Variants in ACSM5 observed in about 807,000 individuals in gnomAD.
ACSM5 encodes the protein acyl-CoA synthetase medium chain family member 5, also known as acyl-coenzyme A synthetase ACSM5, mitochondrial.
In ACSM5, 56 loss-of-function variants were observed where a neutral mutation model predicts 71.6. The observed-to-expected ratio is 0.78, with a 90% CI of 0.63 to 0.98. ACSM5 has a LOEUF of 0.98. Ranked by LOEUF, ACSM5 falls within the 50% of genes least tolerant of loss-of-function variation. The pLI is 0.00. For synonymous variants in ACSM5, 285 were observed against 281.5 expected (o/e 1.01, Z -0.12); for missense variants, 723 against 726.0 (o/e 1.00, Z 0.05).
chr16:20,419,163 C>G (rs1167735749), intron 3 of ACSM5, 65 bp from the exon 4 acceptor site: 1 of 1,512,372 alleles, frequency 6.6e-7, no homozygotes, highest in African/African-American at 1.4e-5. Flanking sequence ...CTGCCTTCAT[C>G]TCTTACCTCT....
At chr16:20,439,742 G>A in intron 12 of ACSM5, 58 bp from the exon 13 acceptor site, 1 of 1,512,358 alleles carries the variant, frequency 6.6e-7, no homozygotes, top group Non-Finnish European at 9.1e-7. Context: ...CCTCACTTAA[G>A]GAGAAAAGAG....
At chr16:20,426,264 G>A (rs1966977792) in intron 6 of ACSM5, among the ~76,000 whole-genome samples, 1 of 152,108 alleles carries the variant, frequency 6.6e-6, no homozygotes, top group Non-Finnish European at 1.5e-5. Context: ...CCTTCTCCTT[G>A]CACTGTCCCC....
At chr16:20,437,510 G>A in intron 12 of ACSM5, 143 bp downstream of exon 12, 1 of 669,574 alleles carries the variant, frequency 1.5e-6, no homozygotes, top group Non-Finnish European at 2.6e-6. Flanking sequence ...GACACACGTT[G>A]CCTTCATGTC....
intron 13 of ACSM5, 23 bp downstream of exon 13, chr16:20,439,942 C>T: frequency 1.2e-6 from 2 of 1,611,404 alleles, no homozygotes; most frequent in Non-Finnish European, 1.7e-6. Context: ...GTTTCCAGGG[C>T]ACAGTGATCT....
intron 3 of ACSM5, among the ~76,000 whole-genome samples, chr16:20,418,744 A>G (rs924159949): frequency 6.6e-6 from 1 of 152,184 alleles, no homozygotes; most frequent in Non-Finnish European, 1.5e-5. Context: ...AGTTGCTAGA[A>G]TTTTACCCGA....
In ACSM5 at chr16:20,438,722, G is replaced by A. The variant is rs577568952; in HGVS notation, c.1537-1078G>A. Among the ~76,000 whole-genome samples, 8 of 151,432 alleles carry A rather than the reference G, an allele frequency of 5.3e-5. No homozygotes were observed. In the East Asian group the frequency reaches 7.9e-4, roughly 15 times the overall value. On this transcript the variant is annotated intron_variant, in intron 12 of 13. Coordinates refer to ENST00000331849, the MANE Select transcript of ACSM5 (RefSeq NM_017888.3). ...TGTAATCCCAGCACTTTGGGAGGCCGAGGCGGGTGGATCACGAGGTCAGGA... is the reference window on the plus strand; with the variant it reads ...TGTAATCCCAGCACTTTGGGAGGCCAAGGCGGGTGGATCACGAGGTCAGGA...
chr16:20,426,496 A>T (rs1966983051), intron 6 of ACSM5, among the ~76,000 whole-genome samples: 1 of 152,208 alleles, frequency 6.6e-6, no homozygotes, highest in Non-Finnish European at 1.5e-5. Flanking sequence ...TAAAAGGTGA[A>T]AGCAACACAA....
chr16:20,422,152 C>T (rs1292079541), intron 5 of ACSM5, among the ~76,000 whole-genome samples: 1 of 151,738 alleles, frequency 6.6e-6, no homozygotes, highest in African/African-American at 2.4e-5. Flanking sequence ...TGCTCTTTTG[C>T]CCAGGCTGGT....
chr16:20,422,434 T>G (rs1449193623), intron 5 of ACSM5, among the ~76,000 whole-genome samples: 2 of 152,162 alleles, frequency 1.3e-5, no homozygotes, highest in South Asian at 2.1e-4. Context: ...AATAATCCAT[T>G]CACCTGTTGA....
intron 10 of ACSM5, among the ~76,000 whole-genome samples, chr16:20,436,129 C>T (rs1266248170): frequency 2.2e-5 from 2 of 90,450 alleles, no homozygotes; most frequent in Admixed American, 1.1e-4. Flanking sequence ...TCTTTCCTTC[C>T]TTCCTTTCTT....
rs1966957529 is a variant in ACSM5, at chr16:20,425,321, A to G, written c.921+1252A>G. ...TTCCATCCATGTTGCAGCAAATGAC[A>G]GGACCTCATTCTTTTTTATGGATCC... On this transcript the variant is annotated intron_variant, in intron 6 of 13. Coordinates refer to ENST00000331849, the MANE Select transcript of ACSM5 (RefSeq NM_017888.3). Among the ~76,000 whole-genome samples the G allele has an allele frequency of 3.3e-5, 5 of 152,322 alleles. No homozygotes were observed. The South Asian group carries it at 1.0e-3, about 32-fold the overall frequency.
At chr16:20,417,355 G>A (rs1966858832) in intron 2 of ACSM5, among the ~76,000 whole-genome samples, 1 of 152,158 alleles carries the variant, frequency 6.6e-6, no homozygotes, top group Non-Finnish European at 1.5e-5. Context: ...TCCATACAGT[G>A]GAATATTATT....
chr16:20,417,374 A>C (rs1966858856), intron 2 of ACSM5, among the ~76,000 whole-genome samples: 1 of 152,276 alleles, frequency 6.6e-6, no homozygotes, highest in Non-Finnish European at 1.5e-5. Flanking sequence ...TTCAGCCATC[A>C]AAATAATGTA....
In ACSM5 at chr16:20,427,785, T is replaced by C; in HGVS notation, c.922-3T>C. The C allele has an allele frequency of 1.2e-6, 2 of 1,610,472 alleles. No individual in the cohort carries two copies. Among genetic ancestry groups the C allele is most frequent in the Non-Finnish European group, 1.7e-6 (2 of 1,176,682 alleles). ...ACATCTTTCACCCTTTGTTTTTGTT[T>C]AGACTCTCTCCAAATTCCCGATAAC... On this transcript the variant is annotated splice_region_variant and splice_polypyrimidine_tract_variant and intron_variant, in intron 6 of 13. Transcript: ENST00000331849.
intron 9 of ACSM5, 50 bp downstream of exon 9, chr16:20,431,123 G>C: frequency 6.2e-7 from 1 of 1,603,628 alleles, no homozygotes; most frequent in Non-Finnish European, 8.5e-7. Flanking sequence ...AGAGGAGAAA[G>C]ACACACAGGC....
At chr16:20,427,353 T>C (rs1315009479) in intron 6 of ACSM5, among the ~76,000 whole-genome samples, 1 of 152,198 alleles carries the variant, frequency 6.6e-6, no homozygotes, top group Admixed American at 6.5e-5. Context: ...TTTAGTAGAC[T>C]TCAATTTCTC....
intron 10 of ACSM5, among the ~76,000 whole-genome samples, chr16:20,435,931 T>C (rs199761066): frequency 1.3e-4 from 17 of 133,980 alleles, no homozygotes; most frequent in Middle Eastern, 3.5e-3. Context: ...TCTTTCTTTC[T>C]TTTCTTTCCT....
intron 10 of ACSM5, among the ~76,000 whole-genome samples, chr16:20,432,847 C>CTGTTTTTTTTTTTT (rs1967126208): frequency 1.7e-5 from 1 of 57,610 alleles, no homozygotes; most frequent in Non-Finnish European, 3.2e-5. Flanking sequence ...CCAGATCATT[C>CTGTTTTTTTTTTTT]TTTTTTTTTT....
chr16:20,420,536 G>T (rs78204463), intron 4 of ACSM5, among the ~76,000 whole-genome samples: 2 of 152,262 alleles, frequency 1.3e-5, no homozygotes, highest in Admixed American at 6.5e-5. Context: ...GGAGGCAGAG[G>T]TTGCAGTGAG....
Sources: allele counts gnomAD v4.1 joint callset (sites outside exome capture counted in the v4.1 genomes callset), GRCh38; gene constraint gnomAD v4.1.1; transcripts MANE v1.5; gene names NCBI Gene and HGNC (gene_info 2026-07-23, HGNC 2026-07-21).